ZNF497: variants seen among roughly 807,000 people sequenced by gnomAD.
ZNF497 encodes zinc finger protein 497.
For synonymous variants in ZNF497, 422 were observed against 313.7 expected (o/e 1.35, Z -3.65); for missense variants, 930 against 714.0 (o/e 1.30, Z -3.45).
Position 58,356,274 on chromosome 19 carries a change from C to A in ZNF497, c.1362G>T (p.Lys454Asn). The change falls in exon 3 of 3, where the codon AAG (lysine) becomes AAT (asparagine). Residue 454 changes from lysine to asparagine, a missense_variant. Lys to Asn is a moderately conservative substitution (Grantham distance 94, BLOSUM62 0). Coordinates refer to ENST00000311044, the MANE Select transcript of ZNF497 (RefSeq NM_198458.3). ...CAHCSKAFVRKSELLSHRRTH... is the reference protein window; with the variant it reads ...CAHCSKAFVRNSELLSHRRTH... ...TGCGCCGGTGGCTTAAGAGCTCCGA[C>A]TTGCGCACGAAGGCCTTGCTGCAGT... is the stretch of plus-strand genomic sequence containing the variant. 6.4e-7 allele frequency: 1 copy of A among 1,570,970 alleles called. No individual in the cohort carries two copies.
chr19:58,356,454 G>A lies in ZNF497; in HGVS notation c.1182C>T (p.Ala394=), dbSNP rs756733381. Residue 394 remains alanine (A), a synonymous_variant, in exon 3 of 3, where the codon GCC becomes GCT. Transcript: ENST00000311044. The part of the protein sequence containing the change: ...KPFACADCGK[A]FRGSSGLAHH... The stretch of plus-strand genomic sequence containing the variant: ...GCGCCAGGCCGGAACTGCCGCGGAA[G>A]GCCTTGCCGCAGTCGGCGCAGGCGA... The A allele has an allele frequency of 3.2e-6, 5 of 1,556,576 alleles. No homozygotes were observed. Among genetic ancestry groups the A allele is most frequent in the Non-Finnish European group, 4.3e-6 (5 of 1,157,014 alleles).
chr19:58,358,951 A>G (rs1047308122), intron 1 of ZNF497: 3 of 459,624 alleles, frequency 6.5e-6, no homozygotes, highest in African/African-American at 6.0e-5. Flanking sequence ...CTGCCAGGGC[A>G]GTGGCCTCCT....
At chr19:58,360,695 A>ATTTTATTT (rs2148009576) in intron 1 of ZNF497, among the ~76,000 whole-genome samples, 1 of 100,444 alleles carries the variant, frequency 1.0e-5, no homozygotes, top group Admixed American at 9.9e-5. Context: ...GGCCTGGCTT[A>ATTTTATTT]TTTTATTTTA....
rs1251134315 is a variant in ZNF497 at position 58,357,589 on chromosome 19, C to A, written c.47G>T (p.Gly16Val). Residue 16 changes from glycine to valine, a missense_variant, in exon 3 of 3, where the codon GGC becomes GTC. Gly to Val is a moderately radical substitution (Grantham distance 109). Transcript: ENST00000311044. ...AGTCTTCACATTGCAGAGGACCTGG[C>A]CTTCCTCTGGGGCCACCTGCAGGGT... The part of the protein sequence containing the change: ...GWTLQVAPEE[G>V]QVLCNVKTAT... 3 of 1,575,758 alleles carry A rather than the reference C, an allele frequency of 1.9e-6. No homozygotes were observed. The highest frequency in any genetic ancestry group is 1.9e-5 in the Admixed American group (1 of 52,928).
chr19:58,359,635 G>C (rs1328415107), intron 1 of ZNF497: 1 of 355,294 alleles, frequency 2.8e-6, no homozygotes, highest in South Asian at 2.1e-5. Flanking sequence ...CCCAGAGTCA[G>C]ACCAGCAGAT....
At position 58,354,774 on chromosome 19, in the gene ZNF497, A is replaced by G. The variant is rs2051999657; in HGVS notation, c.*1365T>C. ...CAACCAGGTGCTGAGGCCTGAAGTC[A>G]TAACCAGACCTGGGGCACTCAGACA... On this transcript the variant is annotated 3_prime_UTR_variant, in exon 3 of 3. Coordinates refer to ENST00000311044, the MANE Select transcript of ZNF497 (RefSeq NM_198458.3). 6.6e-6 allele frequency: 1 copy of G among 152,434 alleles called. No homozygotes were observed. Among genetic ancestry groups the G allele is most frequent in the African/African-American group, 2.4e-5 (1 of 41,472 alleles). The allele number at this position is 152,434 out of a possible 1,614,324, so 9.4% of individuals were successfully genotyped here. A position where few individuals can be genotyped will look rare whatever the true frequency, so the allele number is the denominator to read the frequency against.
intron 1 of ZNF497, 177 bp from the exon 2 acceptor site, chr19:58,358,762 C>G (rs994402119): frequency 4.3e-6 from 2 of 460,024 alleles, no homozygotes; most frequent in South Asian, 3.1e-5. Context: ...GCCAAGACCA[C>G]CAAACTCCCA....
chr19:58,360,326 A>G (rs1405765186), intron 1 of ZNF497, among the ~76,000 whole-genome samples: 1 of 151,988 alleles, frequency 6.6e-6, no homozygotes, highest in Non-Finnish European at 1.5e-5. Flanking sequence ...TTACCACCCA[A>G]TCCCAAAAGC....
At chr19:58,359,067 A>G in intron 1 of ZNF497, 1 of 645,348 alleles carries the variant, frequency 1.5e-6, no homozygotes, top group Non-Finnish European at 2.5e-6. Context: ...TCCTTGGAGC[A>G]GGCCTCAGGC....
chr19:58,357,008 G>A lies in ZNF497; in HGVS notation c.628C>T (p.Arg210Cys). 1 of 1,609,582 alleles carries A rather than the reference G, an allele frequency of 6.2e-7. No homozygotes were observed. Among genetic ancestry groups the A allele is most frequent in the Non-Finnish European group, 8.5e-7 (1 of 1,179,080 alleles). ...GRSTTLVQHR[R>C]THTGEKPYEC... is the part of the protein sequence containing the mutation. ...TAGGGCTTCTCGCCCGTGTGCGTGC[G>A]TCGGTGCTGCACCAGCGTGGTGCTT... is the stretch of plus-strand genomic sequence containing the variant. Residue 210 changes from arginine to cysteine, a missense_variant, in exon 3 of 3, where the codon CGC (arginine) becomes TGC (cysteine). Arg to Cys is a radical substitution (Grantham distance 180). Coordinates refer to ENST00000311044, the MANE Select transcript of ZNF497 (RefSeq NM_198458.3).
At chr19:58,361,639 G>A (rs2052095225) in intron 1 of ZNF497, among the ~76,000 whole-genome samples, 1 of 152,174 alleles carries the variant, frequency 6.6e-6, no homozygotes, top group East Asian at 1.9e-4. Flanking sequence ...TTACAGACAT[G>A]AGCCACCGCA....
chr19:58,359,434 C>T, intron 1 of ZNF497: 3 of 468,184 alleles, frequency 6.4e-6, no homozygotes, highest in Non-Finnish European at 1.3e-5. Context: ...GCGTTTCTGG[C>T]CCCCAGTGTC....
intron 1 of ZNF497, 67 bp from the exon 2 acceptor site, chr19:58,358,652 C>T (rs1408971585): frequency 2.5e-6 from 2 of 785,752 alleles, no homozygotes; most frequent in East Asian, 6.5e-5. Flanking sequence ...AAACAAGGGG[C>T]ATGCGGTGGC....
chr19:58,356,748 G>A lies in ZNF497; in HGVS notation c.888C>T (p.His296=), dbSNP rs747991567. The change falls in exon 3 of 3, where the codon CAC becomes CAT. Residue 296 remains histidine, a synonymous_variant. Transcript: ENST00000311044. Reference sequence around the variant, plus strand: ...CGCAGGGGAAGGGCTTCTCGCTGCTGTGCGTGCGCCGGTGCTGCCGCAGCC... The same window carrying A: ...CGCAGGGGAAGGGCTTCTCGCTGCTATGCGTGCGCCGGTGCTGCCGCAGCC... ...VAGLRQHRRT[H]SSEKPFPCAE... The A allele has an allele frequency of 1.9e-6, 3 of 1,566,398 alleles. No individual in the cohort carries two copies. The South Asian group carries it at 3.4e-5, about 18-fold the overall frequency.
In ZNF497 at chr19:58,356,901, C is replaced by T; in HGVS notation, c.735G>A (p.Pro245=). 2 of 1,545,446 alleles carry T rather than the reference C, an allele frequency of 1.3e-6. No individual in the cohort carries two copies. Among genetic ancestry groups the T allele is most frequent in the East Asian group, 2.4e-5 (1 of 41,758 alleles). The change falls in exon 3 of 3, where the codon CCG becomes CCA. Residue 245 remains proline (P), a synonymous_variant. Coordinates refer to ENST00000311044, the MANE Select transcript of ZNF497 (RefSeq NM_198458.3). ...CCTTGCCACAGTCCCGGCAGGCGTG[C>T]GGCCGCGCGCCCGTGTGCACGCGCC... ...EHRRVHTGAR[P]HACRDCGKAF...
intron 1 of ZNF497, among the ~76,000 whole-genome samples, chr19:58,359,971 CA>C (rs36026323): frequency 0.85 from 116,348 of 136,134 alleles, 49,593 homozygotes; most frequent in Non-Finnish European, 0.93. Context: ...GACTCTGTCT[CA>C]AAAAAAAAAA....
Position 58,356,631 on chromosome 19 carries a change from G to A in ZNF497, c.1005C>T (p.Cys335=), listed in dbSNP as rs752926616. 12 of 1,544,422 alleles carry A rather than the reference G, an allele frequency of 7.8e-6. No individual in the cohort carries two copies. Among genetic ancestry groups the A allele is most frequent in the East Asian group, 4.9e-5 (2 of 41,236 alleles). The change falls in exon 3 of 3, where the codon TGC becomes TGT. Residue 335 remains cysteine (C), a synonymous_variant. Transcript: ENST00000311044. ...TGERPFECAE[C]GQAFVMGSYL... is the part of the protein sequence containing the mutation. ...AGGAGCCCATGACGAAAGCCTGGCC[G>A]CACTCGGCGCACTCGAAGGGCCGCT...
intron 1 of ZNF497, chr19:58,359,509 T>C (rs1332947792): frequency 1.1e-5 from 5 of 455,816 alleles, no homozygotes; most frequent in South Asian, 7.7e-5. Flanking sequence ...TGGCTGCTTG[T>C]ACCATCCCTT....
chr19:58,361,984 G>C (rs1370287206), intron 1 of ZNF497, among the ~76,000 whole-genome samples: 1 of 152,086 alleles, frequency 6.6e-6, no homozygotes, highest in African/African-American at 2.4e-5. Flanking sequence ...TGTGAGCCCC[G>C]TAAGGTCCTT....
Sources: allele counts gnomAD v4.1 joint callset (sites outside exome capture counted in the v4.1 genomes callset), GRCh38; gene constraint gnomAD v4.1.1; transcripts MANE v1.5; gene names NCBI Gene and HGNC (gene_info 2026-07-23, HGNC 2026-07-21).